The following CORIN variants were observed in gnomAD, a reference collection of about 807,000 sequenced individuals.
The protein encoded by CORIN is corin, serine peptidase.
CORIN carries 117 observed loss-of-function variants against 125.3 expected under a neutral mutation model. That is an observed-to-expected ratio of 0.93 (90% CI 0.80 to 1.09). The LOEUF is 1.09. Among genes scored for constraint, CORIN ranks in the 50% least tolerant of loss-of-function variants. The pLI is 0.00. For missense variants in CORIN, 1,253 were observed against 1,306.7 expected, an observed-to-expected ratio of 0.96 and a Z score of 0.63; for synonymous variants, 450 against 466.4, an observed-to-expected ratio of 0.96 and a Z score of 0.45.
At chr4:47,645,293 T>G in intron 13 of CORIN, 99 bp from the exon 14 acceptor site, 1 of 726,408 alleles carries the variant, frequency 1.4e-6, no homozygotes, top group Non-Finnish European at 2.3e-6. Flanking sequence ...GGCATGATGT[T>G]GGCAGGGCGC....
intron 11 of CORIN, among the ~76,000 whole-genome samples, chr4:47,662,856 G>A (rs558244358): frequency 3.3e-5 from 5 of 152,252 alleles, no homozygotes; most frequent in Admixed American, 3.3e-4. Context: ...GTTCTGTCTA[G>A]GTTTAAGTCT....
chr4:47,621,849 TC>T (rs1722322087), intron 19 of CORIN, among the ~76,000 whole-genome samples: 1 of 150,564 alleles, frequency 6.6e-6, no homozygotes, highest in Admixed American at 6.6e-5. Flanking sequence ...CAGATAAAAA[TC>T]TTTTTTTTTT....
chr4:47,813,053 C>T (rs1010594944), intron 1 of CORIN, among the ~76,000 whole-genome samples: 1 of 152,228 alleles, frequency 6.6e-6, no homozygotes, highest in African/African-American at 2.4e-5. Flanking sequence ...GACACCACCA[C>T]CCCTCATTGC....
intron 3 of CORIN, among the ~76,000 whole-genome samples, chr4:47,770,603 A>G (rs1729981202): frequency 6.6e-6 from 1 of 152,230 alleles, no homozygotes; most frequent in Non-Finnish European, 1.5e-5. Context: ...TATTCACAAT[A>G]GCGAAGATAT....
At chr4:47,625,725 CTG>C (rs2109561626) in intron 17 of CORIN, among the ~76,000 whole-genome samples, 1 of 152,180 alleles carries the variant, frequency 6.6e-6, no homozygotes, top group East Asian at 1.9e-4. Context: ...CATCTGTGGG[CTG>C]TGAGATTTGA....
rs147988505 is a variant in CORIN, at chr4:47,626,438, T to C, written c.2282A>G (p.Asn761Ser). ...LTLHSNWESL[N>S]GTTLHELLVN... ...TAGAAGTTCATGTAAAGTGGTCCCA[T>C]TGAGGCTCTCCCAGTTGGAGTGTAA... Residue 761 changes from asparagine (N) to serine (S), a missense_variant, in exon 17 of 22, where the codon AAT becomes AGT. By Grantham distance (46) the Asn-to-Ser change is conservative. Transcript: ENST00000273857. The C allele has an allele frequency of 2.8e-5, 45 of 1,613,382 alleles. No individual in the cohort carries two copies. In the African/African-American group the frequency reaches 4.4e-4, roughly 16 times the overall value.
At chr4:47,602,226 G>T (rs1365625651) in intron 20 of CORIN, among the ~76,000 whole-genome samples, 1 of 152,156 alleles carries the variant, frequency 6.6e-6, no homozygotes, top group Non-Finnish European at 1.5e-5. Flanking sequence ...AGCCGAGATT[G>T]TGCCACTGCA....
intron 19 of CORIN, among the ~76,000 whole-genome samples, chr4:47,610,461 T>C (rs2109525719): frequency 6.6e-6 from 1 of 152,158 alleles, no homozygotes; most frequent in Non-Finnish European, 1.5e-5. Flanking sequence ...TTTTTTTTTC[T>C]TGTAAATTTA....
intron 19 of CORIN, among the ~76,000 whole-genome samples, chr4:47,614,812 A>C (rs1463665495): frequency 2.0e-5 from 3 of 152,228 alleles, no homozygotes; most frequent in Admixed American, 2.0e-4. Context: ...GAAAGAAATA[A>C]AAACTCAAGA....
intron 3 of CORIN, among the ~76,000 whole-genome samples, chr4:47,782,251 G>A (rs1292090687): frequency 1.3e-5 from 2 of 151,978 alleles, no homozygotes. Context: ...CAGGCATAGT[G>A]GCGTGTGCTT....
rs1404655272 is a variant in CORIN at position 47,594,700 on chromosome 4, G to A, written c.*1021C>T. ...CTGAAAAATAAATTTAATTAAACGA[G>A]GGATGCAAATTAATTTTCTTTTTAA... On this transcript the variant is annotated 3_prime_UTR_variant, in exon 22 of 22. Transcript: ENST00000273857. 1 of 152,016 alleles carries A rather than the reference G, an allele frequency of 6.6e-6. No homozygotes were observed. The highest frequency in any genetic ancestry group is 2.4e-5 in the African/African-American group (1 of 41,396). 9.4% of individuals were successfully genotyped at this position (152,016 alleles called of 1,614,324 possible).
intron 5 of CORIN, among the ~76,000 whole-genome samples, chr4:47,707,582 T>C (rs1036635915): frequency 2.0e-5 from 3 of 152,230 alleles, no homozygotes; most frequent in Non-Finnish European, 4.4e-5. Context: ...GTCCTGGACA[T>C]GGCAAAACTA....
chr4:47,713,789 G>GT (rs58030728), intron 5 of CORIN, among the ~76,000 whole-genome samples: 33 of 150,788 alleles, frequency 2.2e-4, no homozygotes, highest in South Asian at 6.3e-4. Flanking sequence ...AATTTTTAAT[G>GT]TTTTTTTTTA....
chr4:47,831,329 C>G (rs1732985198), intron 1 of CORIN: 1 of 152,338 alleles, frequency 6.6e-6, no homozygotes, highest in South Asian at 2.1e-4. Flanking sequence ...GGGCACCCTT[C>G]AGCAGAGCTC....
chr4:47,710,532 C>G (rs1726788376), intron 5 of CORIN, among the ~76,000 whole-genome samples: 1 of 151,904 alleles, frequency 6.6e-6, no homozygotes, highest in South Asian at 2.1e-4. Flanking sequence ...GTAGATGCCA[C>G]AGAGACGGAC....
Position 47,626,503 on chromosome 4 carries a change from T to C in CORIN, c.2217A>G (p.Lys739=). ...QMGLGEPSVT[K]LIQEQEKEPR... ...GCTCTTTCTCCTGTTCCTGTATCAATTTGGTCACAGATGGTTCTCTGATAC... is the reference window on the plus strand; with the variant it reads ...GCTCTTTCTCCTGTTCCTGTATCAACTTGGTCACAGATGGTTCTCTGATAC... The change falls in exon 17 of 22, where the codon AAA becomes AAG. Residue 739 remains lysine (K), a synonymous_variant. Transcript: ENST00000273857. The C allele has an allele frequency of 6.2e-7, 1 of 1,613,482 alleles. No homozygotes were observed. Among genetic ancestry groups the C allele is most frequent in the African/African-American group, 1.3e-5 (1 of 75,036 alleles).
intron 10 of CORIN, among the ~76,000 whole-genome samples, chr4:47,669,877 A>G (rs1002830966): frequency 4.6e-5 from 7 of 152,050 alleles, no homozygotes; most frequent in Non-Finnish European, 8.8e-5. Context: ...CTTCTTTATA[A>G]TTTTATTACC....
intron 16 of CORIN, among the ~76,000 whole-genome samples, chr4:47,640,520 C>T (rs10213618): frequency 0.26 from 39,787 of 152,080 alleles, 5,439 homozygotes; most frequent in Admixed American, 0.36. Context: ...AGTGAGTACA[C>T]AGTTTCCTTT....
chr4:47,675,478 T>C (rs990629559), intron 9 of CORIN, among the ~76,000 whole-genome samples: 6 of 152,296 alleles, frequency 3.9e-5, no homozygotes, highest in Admixed American at 3.3e-4. Context: ...GTCAAAATTT[T>C]TTCTCAAAGC....
Sources: gnomAD v4.1 joint callset for allele counts (sites outside exome capture counted in the v4.1 genomes callset) on GRCh38, gnomAD v4.1.1 for gene constraint, MANE v1.5 for transcripts, NCBI Gene and HGNC (gene_info 2026-07-23, HGNC 2026-07-21) for gene names.